POP5: variants seen among roughly 807,000 people sequenced by gnomAD.
POP5 encodes POP5 ribonuclease P/MRP subunit, also known as ribonuclease P/MRP protein subunit POP5.
Under a neutral mutation model 20.7 loss-of-function variants are expected in POP5, and 18 were observed. The observed-to-expected ratio is 0.87, with a 90% CI of 0.60 to 1.29. The LOEUF (loss-of-function observed/expected upper bound fraction) is 1.29. Ranked by LOEUF, POP5 falls within the 50% of genes most tolerant of loss-of-function variation. The pLI is 0.00. For missense variants in POP5, 200 were observed against 203.2 expected (o/e 0.98, Z 0.10); for synonymous variants, 91 against 78.0 (o/e 1.17, Z -0.88).
Position 120,579,202 on chromosome 12 carries a change from T to G in POP5, c.*116A>C, listed in dbSNP as rs148686858. 3,563 of 904,446 alleles carry G rather than the reference T, an allele frequency of 3.9e-3. 17 individuals carry two copies. Among genetic ancestry groups the G allele is most frequent in the Non-Finnish European group, 5.6e-3 (3,098 of 553,362 alleles). The allele number at this position is 904,446 out of a possible 1,614,324, so 56.0% of individuals were successfully genotyped here. A position where few individuals can be genotyped will look rare whatever the true frequency, so the allele number is the denominator to read the frequency against. On this transcript the variant is annotated 3_prime_UTR_variant, in exon 5 of 5. Transcript: ENST00000357500. Reference sequence around the variant, plus strand: ...ATTTCAAGTGGGTAATGTCTGCTGGTTGGCAGCTATCCAGTTTGGAAAACT... The same window carrying G: ...ATTTCAAGTGGGTAATGTCTGCTGGGTGGCAGCTATCCAGTTTGGAAAACT...
At position 120,581,241 on chromosome 12, in the gene POP5, G is replaced by T. The variant is rs1877851341; in HGVS notation, c.37C>A (p.Leu13Met). 6.2e-7 allele frequency: 1 copy of T among 1,614,130 alleles called. No individual in the cohort carries two copies. The highest frequency in any genetic ancestry group is 1.3e-5 in the African/African-American group (1 of 74,964). The change falls in exon 2 of 5, where the codon CTG becomes ATG. Residue 13 changes from leucine (L) to methionine (M), a missense_variant. Transcript: ENST00000357500. ...CGGCAGCGGGGGTCGTCAGACACCA[G>T]TTCGCAGAGCAGGTACCTGCGGCAG... ...RFKHRYLLCE[L>M]VSDDPRCRLS...
rs906610776 is a variant in POP5, at chr12:120,578,869, A to G, written c.*449T>C. The G allele has an allele frequency of 6.1e-6, 1 of 163,098 alleles. No individual in the cohort carries two copies. Among genetic ancestry groups the G allele is most frequent in the Non-Finnish European group, 1.3e-5 (1 of 74,340 alleles). 10.1% of individuals were successfully genotyped at this position (163,098 alleles called of 1,614,324 possible). A position where few individuals can be genotyped will look rare whatever the true frequency, so the allele number is the denominator to read the frequency against. On this transcript the variant is annotated 3_prime_UTR_variant, in exon 5 of 5. Coordinates refer to ENST00000357500, the MANE Select transcript of POP5 (RefSeq NM_015918.4). ...AGGAGGCGGAGGTTGCAGTGAGCCG[A>G]TACTGGGCCACTACACTCCAGCCTG...
rs756432064 is a variant in POP5, at chr12:120,581,244, C to G, written c.34G>C (p.Glu12Gln). The G allele has an allele frequency of 6.2e-7, 1 of 1,614,200 alleles. No individual in the cohort carries two copies. Among genetic ancestry groups the G allele is most frequent in the East Asian group, 2.2e-5 (1 of 44,884 alleles). The change falls in exon 2 of 5, where the codon GAA becomes CAA. Residue 12 changes from glutamate to glutamine, a missense_variant. Transcript: ENST00000357500. ...CAGCGGGGGTCGTCAGACACCAGTT[C>G]GCAGAGCAGGTACCTGCGGCAGGCG... ...VRFKHRYLLC[E>Q]LVSDDPRCRL...
Position 120,579,106 on chromosome 12 carries a change from AG to A in POP5, c.*211del. 1 of 597,822 alleles carries A rather than the reference AG, an allele frequency of 1.7e-6. No individual in the cohort carries two copies. The highest frequency in any genetic ancestry group is 2.0e-5 in the South Asian group (1 of 50,048). The allele number at this position is 597,822 out of a possible 1,614,324, so 37.0% of individuals were successfully genotyped here. A position where few individuals can be genotyped will look rare whatever the true frequency, so the allele number is the denominator to read the frequency against. The stretch of plus-strand genomic sequence containing the variant: ...TTAGCCAAGCAATAAAGATGTCTAC[AG>A]AGTTCACAACCTGCAACACTTCACC... On this transcript the variant is annotated 3_prime_UTR_variant, in exon 5 of 5. Coordinates refer to ENST00000357500, the MANE Select transcript of POP5 (RefSeq NM_015918.4).
intron 2 of POP5, chr12:120,580,837 C>T: frequency 2.0e-6 from 1 of 506,120 alleles, no homozygotes; most frequent in East Asian, 3.4e-5. Flanking sequence ...ATTTAATTCT[C>T]TACCCTATCA....
At chr12:120,580,967 C>T (rs1877831362) in intron 2 of POP5, 148 bp downstream of exon 2, 2 of 1,301,648 alleles carry the variant, frequency 1.5e-6, no homozygotes, top group East Asian at 2.4e-5. Context: ...CGGACTCTCG[C>T]TTGGGGTCCC....
At chr12:120,579,688 C>T in intron 3 of POP5, 86 bp downstream of exon 3, 12 of 1,549,266 alleles carry the variant, frequency 7.7e-6, no homozygotes, top group Non-Finnish European at 1.1e-5. Flanking sequence ...GTTAGCGGGA[C>T]AGCAGCAAGA....
rs78657026 is a variant in POP5, at chr12:120,581,369, C to T, written c.-7G>A. 1.7e-4 allele frequency: 267 copies of T among 1,611,084 alleles called. 2 individuals are homozygous for T. In the East Asian group the frequency reaches 4.9e-3, roughly 30 times the overall value. On this transcript the variant is annotated 5_prime_UTR_variant, in exon 1 of 5. Coordinates refer to ENST00000357500, the MANE Select transcript of POP5 (RefSeq NM_015918.4). ...TGTGCTTGAACCGCACCATGGCTGC[C>T]TCCGCGCTCTCCGGTCCGGCGTGCA...
At chr12:120,580,888 G>C (rs184787317) in intron 2 of POP5, 70 of 608,124 alleles carry the variant, frequency 1.2e-4, no homozygotes, top group Admixed American at 2.9e-4. Context: ...CTGTCAAGCA[G>C]GTAAAAAGAG....
At chr12:120,581,014 C>G (rs1299068246) in intron 2 of POP5, 101 bp downstream of exon 2, 1 of 1,501,900 alleles carries the variant, frequency 6.7e-7, no homozygotes, top group African/African-American at 1.4e-5. Flanking sequence ...AAACGGTGCA[C>G]GGGCTTGGCC....
chr12:120,579,845 A>G lies in POP5; in HGVS notation c.242T>C (p.Leu81Pro). 1 of 1,606,448 alleles carries G rather than the reference A, an allele frequency of 6.2e-7. No homozygotes were observed. Among genetic ancestry groups the G allele is most frequent in the South Asian group, 1.1e-5 (1 of 90,908 alleles). The change falls in exon 3 of 5, where the codon CTT becomes CCT. Residue 81 changes from leucine to proline, a missense_variant. Leu to Pro is a moderately conservative substitution (Grantham distance 98, BLOSUM62 -3). Transcript: ENST00000357500. ...GTTCTCCAAGTATGTGATGAAGGGA[A>G]GAGCTGACCACACAAGCTGATAGAA... ...KEFYQLVWSA[L>P]PFITYLENKG...
intron 2 of POP5, 145 bp downstream of exon 2, chr12:120,580,969 TG>T: frequency 7.7e-7 from 1 of 1,305,864 alleles, no homozygotes; most frequent in Non-Finnish European, 1.0e-6. Flanking sequence ...GACTCTCGCT[TG>T]GGGTCCCAGG....
At position 120,581,208 on chromosome 12, in the gene POP5, G is replaced by A; in HGVS notation, c.70C>T (p.Leu24Phe). Reference sequence around the variant, plus strand: ...AGGCTGCTCAGAACTCGGTCATCGAGGCTTAGGCGGCAGCGGGGGTCGTCA... The same window carrying A: ...AGGCTGCTCAGAACTCGGTCATCGAAGCTTAGGCGGCAGCGGGGGTCGTCA... ...VSDDPRCRLS[L>F]DDRVLSSLVR... The change falls in exon 2 of 5, where the codon CTC (leucine) becomes TTC (phenylalanine). Residue 24 changes from leucine to phenylalanine, a missense_variant. Leu to Phe is a conservative substitution (Grantham distance 22). Coordinates refer to ENST00000357500, the MANE Select transcript of POP5 (RefSeq NM_015918.4). 1.2e-6 allele frequency: 2 copies of A among 1,614,168 alleles called. No individual in the cohort carries two copies. Among genetic ancestry groups the A allele is most frequent in the Non-Finnish European group, 1.7e-6 (2 of 1,180,046 alleles).
At chr12:120,580,595 C>T (rs767295621) in intron 2 of POP5, 1 of 158,858 alleles carries the variant, frequency 6.3e-6, no homozygotes, top group East Asian at 1.9e-4. Flanking sequence ...ATTTAACTCT[C>T]CAGAAGTCAA....
chr12:120,581,029 G>C (rs1877835290), intron 2 of POP5, 86 bp downstream of exon 2: 2 of 1,553,100 alleles, frequency 1.3e-6, no homozygotes, highest in Non-Finnish European at 1.7e-6. Context: ...TTGGCCACTC[G>C]TGCCCCTTCT....
At chr12:120,581,315 C>G in intron 1 of POP5, 28 bp downstream of exon 1, 1 of 1,614,126 alleles carries the variant, frequency 6.2e-7, no homozygotes, top group Middle Eastern at 1.6e-4. Context: ...CAGCAAGGCA[C>G]TGGGAGGGTC....
intron 2 of POP5, among the ~76,000 whole-genome samples, chr12:120,580,393 T>C (rs996849763): frequency 6.6e-6 from 1 of 152,176 alleles, no homozygotes; most frequent in Admixed American, 6.5e-5. Context: ...AATTTAGAAT[T>C]GAAAATGCTT....
At position 120,578,973 on chromosome 12, in the gene POP5, G is replaced by A. The variant is rs527422194; in HGVS notation, c.*345C>T. 5 of 298,958 alleles carry A rather than the reference G, an allele frequency of 1.7e-5. No homozygotes were observed. Among genetic ancestry groups the A allele is most frequent in the South Asian group, 1.6e-4 (4 of 25,248 alleles). The allele number at this position is 298,958 out of a possible 1,614,324, so 18.5% of individuals were successfully genotyped here. ...GAGTCAGTCTTCCCACCAAGGCTAG[G>A]GATAGAGAGAGAACAGAGACTTGGC... is the stretch of plus-strand genomic sequence containing the variant. On this transcript the variant is annotated 3_prime_UTR_variant, in exon 5 of 5. Coordinates refer to ENST00000357500, the MANE Select transcript of POP5 (RefSeq NM_015918.4).
In POP5 at chr12:120,579,064, A is replaced by G; in HGVS notation, c.*254T>C. The G allele has an allele frequency of 1.8e-6, 1 of 541,214 alleles. No homozygotes were observed. Among genetic ancestry groups the G allele is most frequent in the East Asian group, 3.2e-5 (1 of 31,510 alleles). The allele number at this position is 541,214 out of a possible 1,614,324, so 33.5% of individuals were successfully genotyped here. A position where few individuals can be genotyped will look rare whatever the true frequency, so the allele number is the denominator to read the frequency against. Reference sequence around the variant, plus strand: ...GCTAAATGCCACGGAAACCAGATACATTTATTAAATCTACTCTTAGCCAAG... The same window carrying G: ...GCTAAATGCCACGGAAACCAGATACGTTTATTAAATCTACTCTTAGCCAAG... On this transcript the variant is annotated 3_prime_UTR_variant, in exon 5 of 5. Transcript: ENST00000357500.
Sources: allele counts gnomAD v4.1 joint callset (sites outside exome capture counted in the v4.1 genomes callset), GRCh38; gene constraint gnomAD v4.1.1; transcripts MANE v1.5; gene names NCBI Gene and HGNC (gene_info 2026-07-23, HGNC 2026-07-21).